The following CMYA5 variants were observed in gnomAD, a reference collection of about 807,000 sequenced individuals.
CMYA5 encodes cardiomyopathy-associated protein 5.
A neutral mutation model predicts 318.9 loss-of-function variants in CMYA5; 246 were observed. That is an observed-to-expected ratio of 0.77 (90% CI 0.70 to 0.86). The LOEUF (loss-of-function observed/expected upper bound fraction) is 0.86, where lower values mean the gene tolerates loss of function less well. Ranked by LOEUF, CMYA5 falls within the 40% of genes least tolerant of loss-of-function variation. CMYA5 has a pLI of 0.00. For missense variants in CMYA5, 4,589 were observed against 4,678.2 expected, an observed-to-expected ratio of 0.98 and a Z score of 0.56; for synonymous variants, 1,641 against 1,729.5, an observed-to-expected ratio of 0.95 and a Z score of 1.27.
chr5:79,791,362 A>G (rs888161116), intron 11 of CMYA5, among the ~76,000 whole-genome samples: 2 of 152,164 alleles, frequency 1.3e-5, no homozygotes, highest in African/African-American at 2.4e-5. Context: ...GGGGAAAAAA[A>G]GGGTCCAGTA....
intron 2 of CMYA5, among the ~76,000 whole-genome samples, chr5:79,742,163 CCCT>C (rs1208430490): frequency 7.2e-6 from 1 of 138,816 alleles, no homozygotes; most frequent in Non-Finnish European, 1.5e-5. Flanking sequence ...TTCCTTTCCC[CCCT>C]CCTCCTCCTC....
At chr5:79,769,285 A>G (rs1259566752) in intron 9 of CMYA5, among the ~76,000 whole-genome samples, 1 of 151,936 alleles carries the variant, frequency 6.6e-6, no homozygotes, top group Non-Finnish European at 1.5e-5. Context: ...CACCTTCTGA[A>G]GCCGACTTCT....
At chr5:79,747,205 A>G (rs1340985462) in intron 5 of CMYA5, 92 bp downstream of exon 5, 1 of 1,241,292 alleles carries the variant, frequency 8.1e-7, no homozygotes, top group African/African-American at 1.6e-5. Flanking sequence ...TGAGCTGCCA[A>G]TTAAAAAATG....
chr5:79,724,279 G>T (rs12656704), intron 1 of CMYA5, among the ~76,000 whole-genome samples: 12,590 of 152,076 alleles, frequency 0.083, 896 homozygotes, highest in East Asian at 0.41. Flanking sequence ...AGCCGAGATC[G>T]CACCATAAAC....
chr5:79,732,220 C>T lies in CMYA5; in HGVS notation c.3455C>T (p.Ala1152Val). 6.2e-7 allele frequency: 1 copy of T among 1,613,926 alleles called. No individual in the cohort carries two copies. The highest frequency in any genetic ancestry group is 1.1e-5 in the South Asian group (1 of 91,082). The change falls in exon 2 of 13, where the codon GCT becomes GTT. Residue 1152 changes from alanine to valine, a missense_variant. This residue lies in a region of CMYA5 where 2,132 missense variants were observed against 2,131.3 expected (regional missense o/e 1.00). Transcript: ENST00000446378. ...TCATCAGTAGCTGCAATACCTGCTGCTTTACCTGCACAATCATCTATAGTA... is the reference window on the plus strand; with the variant it reads ...TCATCAGTAGCTGCAATACCTGCTGTTTTACCTGCACAATCATCTATAGTA... ...ASSSVAAIPA[A>V]LPAQSSIVKE...
intron 1 of CMYA5, among the ~76,000 whole-genome samples, chr5:79,724,155 TA>T (rs34755034): frequency 0.08 from 11,588 of 144,684 alleles, 789 homozygotes; most frequent in East Asian, 0.4. Flanking sequence ...CCATCTCTGC[TA>T]AAAAAAAAAA....
chr5:79,731,130 G>T lies in CMYA5; in HGVS notation c.2365G>T (p.Glu789Ter). The change falls in exon 2 of 13, where the codon GAA becomes TAA. Residue 789 changes from glutamate (E) to a stop codon, truncating the protein, a stop_gained. Coordinates refer to ENST00000446378, the MANE Select transcript of CMYA5 (RefSeq NM_153610.5). LOFTEE classifies it high-confidence loss of function. ...VPSEGEDLGS[E>*]RFTPDSKLIS... Reference sequence around the variant, plus strand: ...ATCAGAAGGAGAGGACCTAGGAAGTGAACGTTTCACACCGGATTCAAAGTT... The same window carrying T: ...ATCAGAAGGAGAGGACCTAGGAAGTTAACGTTTCACACCGGATTCAAAGTT... The T allele has an allele frequency of 6.2e-7, 1 of 1,614,014 alleles. No homozygotes were observed. Among genetic ancestry groups the T allele is most frequent in the Non-Finnish European group, 8.5e-7 (1 of 1,179,898 alleles).
At position 79,745,242 on chromosome 5, in the gene CMYA5, GA is replaced by G; in HGVS notation, c.10759del (p.Arg3587GlyfsTer2). The stretch of plus-strand genomic sequence containing the variant: ...TTCAGGAAAACTGTAGTAAAAATGA[GA>G]AAAGGCTAGAAGAACAGAATGAGGA... ...TIEENCSKNE[K>X]RLEEQNEEMM... On this transcript the variant is annotated frameshift_variant, in exon 4 of 13. Transcript: ENST00000446378. LOFTEE classifies it high-confidence loss of function. The G allele has an allele frequency of 1.9e-6, 3 of 1,585,804 alleles. 1 individual carries two copies.
In CMYA5 at chr5:79,791,076, A is replaced by G; in HGVS notation, c.11789+7A>G. On this transcript the variant is annotated splice_region_variant and intron_variant, in intron 11 of 12. Transcript: ENST00000446378. ...AGAGGAGACGGCTGACGGAGTAAGTAGAAGAAGAAAGCACAAGTGGGCTGA... is the reference window on the plus strand; with the variant it reads ...AGAGGAGACGGCTGACGGAGTAAGTGGAAGAAGAAAGCACAAGTGGGCTGA... 4 of 1,603,452 alleles carry G rather than the reference A, an allele frequency of 2.5e-6. No homozygotes were observed. Among genetic ancestry groups the G allele is most frequent in the African/African-American group, 1.3e-5 (1 of 74,880 alleles).
At chr5:79,759,049 A>G (rs1233312680) in intron 7 of CMYA5, 147 bp downstream of exon 7, 2 of 659,570 alleles carry the variant, frequency 3.0e-6, no homozygotes, top group African/African-American at 1.9e-5. Flanking sequence ...CAACCATATA[A>G]TGAAATAATA....
intron 12 of CMYA5, among the ~76,000 whole-genome samples, chr5:79,794,806 G>T (rs1450289263): frequency 1.3e-5 from 2 of 152,150 alleles, no homozygotes; most frequent in Non-Finnish European, 2.9e-5. Context: ...CATCCTACTT[G>T]ACAGTTTGAT....
At position 79,738,126 on chromosome 5, in the gene CMYA5, G is replaced by A; in HGVS notation, c.9361G>A (p.Gly3121Ser). ...LDESFYGPEK[G>S]HNILSHPETQ... is the part of the protein sequence containing the mutation. ...TGAAAGTTTTTATGGACCAGAAAAG[G>A]GCCACAACATATTATCTCATCCAGA... Residue 3121 changes from glycine to serine, a missense_variant, in exon 2 of 13, where the codon GGC becomes AGC. Physicochemically the swap from Gly to Ser is moderately conservative, Grantham distance 56 (BLOSUM62 0). This residue lies in a region of CMYA5 where 2,431 missense variants were observed against 2,495.1 expected (regional missense o/e 0.97). Coordinates refer to ENST00000446378, the MANE Select transcript of CMYA5 (RefSeq NM_153610.5). 6.2e-7 allele frequency: 1 copy of A among 1,613,678 alleles called. No homozygotes were observed. Among genetic ancestry groups the A allele is most frequent in the Non-Finnish European group, 8.5e-7 (1 of 1,179,784 alleles).
At chr5:79,752,943 A>G (rs1321843853) in intron 6 of CMYA5, 149 bp downstream of exon 6, 3 of 555,758 alleles carry the variant, frequency 5.4e-6, no homozygotes, top group Non-Finnish European at 9.5e-6. Context: ...TTACAGCTAG[A>G]CTCTGAAATT....
intron 9 of CMYA5, among the ~76,000 whole-genome samples, chr5:79,767,905 A>G (rs562661485): frequency 6.6e-6 from 1 of 152,306 alleles, no homozygotes; most frequent in East Asian, 1.9e-4. Context: ...GGGGTATTAA[A>G]GTCTCCCACT....
In CMYA5 at chr5:79,732,635, A is replaced by G. The variant is rs779481454; in HGVS notation, c.3870A>G (p.Leu1290=). Reference sequence around the variant, plus strand: ...ATTCACCTCTAAAGGAAACATCTTTATCTGGACCTGAGGCTTTATCAGCAG... The same window carrying G: ...ATTCACCTCTAAAGGAAACATCTTTGTCTGGACCTGAGGCTTTATCAGCAG... ...KPYSPLKETS[L]SGPEALSAVK... Residue 1290 remains leucine, a synonymous_variant, in exon 2 of 13, where the codon TTA becomes TTG. Transcript: ENST00000446378. The G allele has an allele frequency of 7.4e-6, 12 of 1,613,414 alleles. No individual in the cohort carries two copies. The highest frequency in any genetic ancestry group is 1.0e-5 in the Non-Finnish European group (12 of 1,179,738).
Position 79,730,311 on chromosome 5 carries a change from G to A in CMYA5, c.1546G>A (p.Ala516Thr). The change falls in exon 2 of 13, where the codon GCT (alanine) becomes ACT (threonine). Residue 516 changes from alanine to threonine, a missense_variant. Coordinates refer to ENST00000446378, the MANE Select transcript of CMYA5 (RefSeq NM_153610.5). The part of the protein sequence containing the change: ...KEEIETSLPI[A>T]ITPEPEDSNL... Reference sequence around the variant, plus strand: ...AGAAATAGAAACTTCCCTACCCATAGCTATTACCCCTGAACCTGAAGATTC... The same window carrying A: ...AGAAATAGAAACTTCCCTACCCATAACTATTACCCCTGAACCTGAAGATTC... 1 of 1,613,828 alleles carries A rather than the reference G, an allele frequency of 6.2e-7. No homozygotes were observed. Among genetic ancestry groups the A allele is most frequent in the East Asian group, 2.2e-5 (1 of 44,872 alleles).
At chr5:79,763,594 T>C (rs259129) in intron 9 of CMYA5, among the ~76,000 whole-genome samples, 31,466 of 152,128 alleles carry the variant, frequency 0.21, 3,403 homozygotes, top group East Asian at 0.31. Context: ...TAATGTAAAT[T>C]GGAATGTCTC....
chr5:79,778,900 A>ATT (rs201686318), intron 9 of CMYA5, among the ~76,000 whole-genome samples: 1 of 94,828 alleles, frequency 1.1e-5, no homozygotes, highest in Non-Finnish European at 2.0e-5. Context: ...ATTTATTTTT[A>ATT]TTTTTTTTTT....
intron 9 of CMYA5, among the ~76,000 whole-genome samples, chr5:79,770,716 G>A (rs558360454): frequency 3.9e-5 from 6 of 152,064 alleles, no homozygotes; most frequent in South Asian, 2.1e-4. Flanking sequence ...GTTCCTATTC[G>A]GCCATCTTGC....
Sources: gnomAD v4.1 joint callset for allele counts (sites outside exome capture counted in the v4.1 genomes callset) on GRCh38, gnomAD v4.1.1 for gene constraint, gnomAD v4.1.1 regional missense constraint, MANE v1.5 for transcripts, NCBI Gene and HGNC (gene_info 2026-07-23, HGNC 2026-07-21) for gene names.